Variants in TCERG1L observed in about 807,000 individuals in gnomAD.
The protein encoded by TCERG1L is transcription elongation regulator 1-like protein.
In TCERG1L, 37 loss-of-function variants were observed where a neutral mutation model predicts 56.3. The observed-to-expected ratio is 0.66, with a 90% CI of 0.51 to 0.87. The LOEUF is 0.87. Ranked by LOEUF, TCERG1L falls within the 40% of genes least tolerant of loss-of-function variation. The pLI is 0.00. For missense variants in TCERG1L, 799 were observed against 774.2 expected, an observed-to-expected ratio of 1.03 and a Z score of -0.38; for synonymous variants, 324 against 326.3, an observed-to-expected ratio of 0.99 and a Z score of 0.08.
chr10:131,241,735 G>A (rs1391848515), intron 4 of TCERG1L, among the ~76,000 whole-genome samples: 1 of 152,036 alleles, frequency 6.6e-6, no homozygotes, highest in Admixed American at 6.6e-5. Context: ...ATGTATATGT[G>A]TATACATATA....
rs549179691 is a variant in TCERG1L at position 131,206,209 on chromosome 10, C to A, written c.857-39324G>T. Among the ~76,000 whole-genome samples, 5 of 152,364 alleles carry A rather than the reference C, an allele frequency of 3.3e-5. No homozygotes were observed. The South Asian group carries it at 1.0e-3, about 32-fold the overall frequency. ...GGGTGTACGCCAAGGTCCGCAAAGGCAAATCCTCATGGAAACACCATCTTG... is the reference window on the plus strand; with the variant it reads ...GGGTGTACGCCAAGGTCCGCAAAGGAAAATCCTCATGGAAACACCATCTTG... On this transcript the variant is annotated intron_variant, in intron 4 of 11. Coordinates refer to ENST00000368642, the MANE Select transcript of TCERG1L (RefSeq NM_174937.4).
chr10:131,180,393 T>C (rs1344795984), intron 4 of TCERG1L, among the ~76,000 whole-genome samples: 1 of 152,222 alleles, frequency 6.6e-6, no homozygotes, highest in African/African-American at 2.4e-5. Flanking sequence ...CACCAATGTA[T>C]TGCATTGCTA....
chr10:131,157,162 G>C (rs1489025607), intron 6 of TCERG1L, among the ~76,000 whole-genome samples: 1 of 152,102 alleles, frequency 6.6e-6, no homozygotes, highest in Non-Finnish European at 1.5e-5. Flanking sequence ...AATCAGCTTT[G>C]CCAGAAAATG....
rs558960777 is a variant in TCERG1L, at chr10:131,232,265, A to G, written c.856+27994T>C. Reference sequence around the variant, plus strand: ...CAGGTGAGTGACCCCATCACTCCATATAGGCACTCCAGACCCCACAACAGC... The same window carrying G: ...CAGGTGAGTGACCCCATCACTCCATGTAGGCACTCCAGACCCCACAACAGC... On this transcript the variant is annotated intron_variant, in intron 4 of 11. Coordinates refer to ENST00000368642, the MANE Select transcript of TCERG1L (RefSeq NM_174937.4). Among the ~76,000 whole-genome samples the G allele has an allele frequency of 3.9e-5, 6 of 152,318 alleles. No homozygotes were observed. In the East Asian group the frequency reaches 1.2e-3, roughly 29 times the overall value.
At position 131,260,168 on chromosome 10, in the gene TCERG1L, CGCCTGGGCCCAG is replaced by C; in HGVS notation, c.856+79_856+90del. On this transcript the variant is annotated intron_variant, in intron 4 of 11. Transcript: ENST00000368642. This position sits in a 1 kb window ranked among gnomAD's most constrained non-coding sequence, Gnocchi z 5.8. ...CGGAGCCGGGCTTCAGGTCCCACAGCGCCTGGGCCCAGGCCAGGGGCATCTAACCAGGAAGCC... is the reference window on the plus strand; with the variant it reads ...CGGAGCCGGGCTTCAGGTCCCACAGCGCCAGGGGCATCTAACCAGGAAGCC... 1 of 1,244,796 alleles carries C rather than the reference CGCCTGGGCCCAG, an allele frequency of 8.0e-7. No individual in the cohort carries two copies. Among genetic ancestry groups the C allele is most frequent in the Middle Eastern group, 3.1e-4 (1 of 3,258 alleles). The allele number at this position is 1,244,796 out of a possible 1,614,324, so 77.1% of individuals were successfully genotyped here.
At chr10:131,100,020 C>T (rs562574510) in intron 10 of TCERG1L, among the ~76,000 whole-genome samples, 2 of 152,076 alleles carry the variant, frequency 1.3e-5, no homozygotes, top group African/African-American at 4.8e-5. Flanking sequence ...TGTGCCGCCA[C>T]GCCCAGCTAA....
chr10:131,193,424 C>T (rs1446896144), intron 4 of TCERG1L, among the ~76,000 whole-genome samples: 2 of 152,144 alleles, frequency 1.3e-5, no homozygotes, highest in African/African-American at 4.8e-5. Flanking sequence ...TTGCTTAGAC[C>T]AATGTCCGGA....
chr10:131,166,557 C>G (rs576321997), intron 5 of TCERG1L, among the ~76,000 whole-genome samples: 1 of 152,330 alleles, frequency 6.6e-6, no homozygotes, highest in South Asian at 2.1e-4. Flanking sequence ...AAGCCAAATC[C>G]CTTCCCAACA....
chr10:131,236,305 G>T (rs1307043548), intron 4 of TCERG1L, among the ~76,000 whole-genome samples: 1 of 152,156 alleles, frequency 6.6e-6, no homozygotes, highest in African/African-American at 2.4e-5. Flanking sequence ...ATTAGCTATT[G>T]CTACCTTTTT....
chr10:131,132,213 C>A (rs567302864), intron 8 of TCERG1L, among the ~76,000 whole-genome samples: 1 of 152,274 alleles, frequency 6.6e-6, no homozygotes, highest in East Asian at 1.9e-4. Context: ...GGGCTGACTG[C>A]AGAACAAACG....
intron 4 of TCERG1L, among the ~76,000 whole-genome samples, chr10:131,246,829 C>T (rs1160919194): frequency 6.6e-6 from 1 of 152,232 alleles, no homozygotes; most frequent in Non-Finnish European, 1.5e-5. Flanking sequence ...ATCCCCCTGC[C>T]GGGAGCATAG....
At chr10:131,098,563 C>T in intron 10 of TCERG1L, 139 bp from the exon 11 acceptor site, 1 of 1,119,526 alleles carries the variant, frequency 8.9e-7, no homozygotes, top group South Asian at 1.7e-5. Flanking sequence ...GAGTTATGAG[C>T]AACAGCCTTT....
At position 131,118,678 on chromosome 10, in the gene TCERG1L, A is replaced by T. The variant is rs547320042; in HGVS notation, c.1260-1744T>A. Among the ~76,000 whole-genome samples the T allele has an allele frequency of 1.3e-5, 2 of 151,678 alleles. No individual in the cohort carries two copies. Among genetic ancestry groups the T allele is most frequent in the East Asian group, 3.9e-4 (2 of 5,164 alleles). ...GCTCTTGGTAATTTTCCATCCACTG[A>T]CCCCCAACCCTGACCGTGGCTATCA... On this transcript the variant is annotated intron_variant, in intron 8 of 11. Transcript: ENST00000368642. The surrounding 1 kb of genome is among the most constrained non-coding windows in gnomAD (Gnocchi z 4.2).
intron 10 of TCERG1L, among the ~76,000 whole-genome samples, chr10:131,101,075 G>A (rs979352441): frequency 3.9e-5 from 6 of 152,224 alleles, no homozygotes; most frequent in African/African-American, 1.4e-4. Flanking sequence ...CCAGGCAATG[G>A]GTACTTAGCA....
chr10:131,274,572 TTCAC>T, intron 3 of TCERG1L, among the ~76,000 whole-genome samples: 1 of 152,300 alleles, frequency 6.6e-6, no homozygotes, highest in Middle Eastern at 3.4e-3. Context: ...AAGGGCTTCT[TTCAC>T]TCCGGTTGTT....
intron 3 of TCERG1L, among the ~76,000 whole-genome samples, chr10:131,289,901 G>A (rs879070408): frequency 1.9e-4 from 1 of 5,248 alleles, no homozygotes; most frequent in African/African-American, 4.0e-4. Flanking sequence ...ATCTCCTATC[G>A]GTGTGTGTGT....
chr10:131,245,613 C>T (rs1241637572), intron 4 of TCERG1L, among the ~76,000 whole-genome samples: 5 of 152,182 alleles, frequency 3.3e-5, no homozygotes, highest in African/African-American at 9.6e-5. Flanking sequence ...GTGTCCTGCC[C>T]ACAGGCCGCC....
chr10:131,288,835 C>A (rs1846575340), intron 3 of TCERG1L, among the ~76,000 whole-genome samples: 1 of 152,062 alleles, frequency 6.6e-6, no homozygotes, highest in Non-Finnish European at 1.5e-5. Flanking sequence ...CACCAGGAGC[C>A]GGGGGAGGGC....
chr10:131,154,459 A>T (rs149638373), intron 6 of TCERG1L, among the ~76,000 whole-genome samples: 62 of 152,232 alleles, frequency 4.1e-4, no homozygotes, highest in African/African-American at 1.4e-3. Context: ...TGTCCTGGGG[A>T]TGGACAAAGC....
Sources: allele counts gnomAD v4.1 joint callset (sites outside exome capture counted in the v4.1 genomes callset), GRCh38; gene constraint gnomAD v4.1.1; non-coding constraint Gnocchi (gnomAD v3.1); transcripts MANE v1.5; gene names NCBI Gene and HGNC (gene_info 2026-07-23, HGNC 2026-07-21).